Variants in OTC observed in about 807,000 individuals in gnomAD.
OTC encodes ornithine transcarbamylase, mitochondrial.
In OTC, 3 loss-of-function variants were observed where a neutral mutation model predicts 30.3. The observed-to-expected ratio is 0.10, with a 90% confidence interval of 0.05 to 0.26. The LOEUF (loss-of-function observed/expected upper bound fraction) is 0.26. Among genes scored for constraint, OTC ranks in the 10% least tolerant of loss-of-function variants. The pLI, the probability that OTC is intolerant of heterozygous loss-of-function variation, is 1.00. For missense variants in OTC, 194 were observed against 260.3 expected (o/e 0.75, Z 1.75); for synonymous variants, 111 against 99.7 (o/e 1.11, Z -0.67).
At chrX:38,336,006 A>T in the OTC span, among the ~76,000 whole-genome samples, 106 of 111,420 alleles carry the variant, frequency 9.5e-4, 1 homozygote, top group African/African-American at 3.2e-3. Context: ...ATGTCCTTGA[A>T]GGCATATCAA....
At chrX:38,343,666 C>G in the OTC span, among the ~76,000 whole-genome samples, 1 of 112,282 alleles carries the variant, frequency 8.9e-6, no homozygotes, top group Non-Finnish European at 1.9e-5. Flanking sequence ...CATATCTAAG[C>G]TCAAAAAATT....
chrX:38,347,617 T>C (rs2068196417), upstream of OTC, among the ~76,000 whole-genome samples: 1 of 112,569 alleles, frequency 8.9e-6, no homozygotes, highest in South Asian at 3.6e-4. Context: ...CGCACTGCAG[T>C]AATCGCCATC....
the OTC span, among the ~76,000 whole-genome samples, chrX:38,332,506 A>T: frequency 3.1e-5 from 2 of 64,930 alleles, no homozygotes; most frequent in East Asian, 4.0e-4. Flanking sequence ...CCTAGATTTT[A>T]TATATATATA....
chrX:38,342,011 C>CTTTTT, the OTC span, among the ~76,000 whole-genome samples: 1 of 28,591 alleles, frequency 3.5e-5, no homozygotes, highest in Non-Finnish European at 6.1e-5. Flanking sequence ...TTAAATTTCA[C>CTTTTT]TTTTTTTTTT....
upstream of OTC, among the ~76,000 whole-genome samples, chrX:38,350,130 C>T (rs4827092): frequency 0.31 from 33,976 of 110,085 alleles, 4,021 homozygotes; most frequent in East Asian, 0.6. Context: ...AGGAGAGGGT[C>T]ACGTCAAGCT....
chrX:38,400,537 AC>A (rs2068480305), intron 4 of OTC, among the ~76,000 whole-genome samples: 1 of 110,539 alleles, frequency 9.0e-6, no homozygotes, highest in Non-Finnish European at 1.9e-5. Flanking sequence ...GGCAGGTCTG[AC>A]CCCTGTGGGA....
intron 1 of OTC, among the ~76,000 whole-genome samples, chrX:38,356,826 G>A (rs186061267): frequency 2.7e-5 from 3 of 111,630 alleles, no homozygotes; most frequent in African/African-American, 9.8e-5. Context: ...ATCACATATG[G>A]GTATGTGGCA....
chrX:38,347,746 T>C (rs1235820724), upstream of OTC, among the ~76,000 whole-genome samples: 5 of 111,691 alleles, frequency 4.5e-5, no homozygotes, highest in Non-Finnish European at 9.4e-5. Flanking sequence ...CACAGCACCA[T>C]AATAACTCAT....
intron 4 of OTC, among the ~76,000 whole-genome samples, chrX:38,383,654 C>T (rs751722277): frequency 4.5e-5 from 5 of 109,913 alleles, no homozygotes; most frequent in South Asian, 3.9e-4. Context: ...AAAAATTAGC[C>T]GGGCGTGGTG....
At chrX:38,342,727 T>G in the OTC span, among the ~76,000 whole-genome samples, 2 of 111,830 alleles carry the variant, frequency 1.8e-5, no homozygotes, top group African/African-American at 6.5e-5. Context: ...ATGGTGAATA[T>G]GTAGCACCTA....
At chrX:38,338,681 AG>A in the OTC span, among the ~76,000 whole-genome samples, 1 of 112,437 alleles carries the variant, frequency 8.9e-6, no homozygotes, top group Non-Finnish European at 1.9e-5. Context: ...ATTAGGTAGA[AG>A]GCAAAAAACC....
intron 6 of OTC, among the ~76,000 whole-genome samples, chrX:38,405,595 G>A (rs1448380529): frequency 9.0e-6 from 1 of 111,351 alleles, no homozygotes; most frequent in Non-Finnish European, 1.9e-5. Context: ...GAGTTTCTGG[G>A]TGGGAGTGAA....
chrX:38,407,661 A>G (rs1355904694), intron 6 of OTC, among the ~76,000 whole-genome samples: 3 of 111,448 alleles, frequency 2.7e-5, no homozygotes, highest in Non-Finnish European at 5.7e-5. Context: ...AAAGGCTGTG[A>G]TGGCAGAAAA....
At chrX:38,394,730 C>T (rs1448467470) in intron 4 of OTC, among the ~76,000 whole-genome samples, 1 of 111,355 alleles carries the variant, frequency 9.0e-6, no homozygotes, top group Non-Finnish European at 1.9e-5. Context: ...ACTTTATCCT[C>T]AGTTTCGCAT....
intron 1 of OTC, among the ~76,000 whole-genome samples, chrX:38,360,569 G>A (rs1245899391): frequency 9.0e-6 from 1 of 111,712 alleles, no homozygotes. Flanking sequence ...ATGAGAAGGA[G>A]CCAGCTTTGA....
the OTC span, among the ~76,000 whole-genome samples, chrX:38,346,561 T>A: frequency 8.9e-6 from 1 of 112,304 alleles, no homozygotes; most frequent in African/African-American, 3.2e-5. Context: ...CAATTGTCCT[T>A]TAATGGGGGA....
At chrX:38,380,085 AAT>A (rs2068368298) in intron 3 of OTC, among the ~76,000 whole-genome samples, 1 of 112,003 alleles carries the variant, frequency 8.9e-6, no homozygotes, top group African/African-American at 3.2e-5. Context: ...ATCCCCAAAA[AAT>A]AAGGATATTG....
intron 1 of OTC, among the ~76,000 whole-genome samples, chrX:38,366,648 T>C (rs1371971596): frequency 2.7e-5 from 3 of 112,346 alleles, no homozygotes; most frequent in Non-Finnish European, 5.6e-5. Context: ...AGTAATTTTC[T>C]AGGTGTGAAA....
chrX:38,381,325 T>C lies in OTC; in HGVS notation c.299-17T>C, dbSNP rs5917587. 1 of 747,633 alleles carries C rather than the reference T, an allele frequency of 1.3e-6. No individual in the cohort carries two copies. The highest frequency in any genetic ancestry group is 1.9e-6 in the Non-Finnish European group (1 of 539,429). 61.6% of individuals were successfully genotyped at this position (747,633 alleles called of 1,213,427 possible). Reference sequence around the variant, plus strand: ...TTGTTTTTTCAAAATGATTTTTTTCTTTTTTTTTTATTGTAGGCTTTGCAC... The same window carrying C: ...TTGTTTTTTCAAAATGATTTTTTTCCTTTTTTTTTATTGTAGGCTTTGCAC... On this transcript the variant is annotated splice_polypyrimidine_tract_variant and intron_variant, in intron 3 of 9. Coordinates refer to ENST00000039007, the MANE Select transcript of OTC (RefSeq NM_000531.6).
Sources: allele counts gnomAD v4.1 joint callset (sites outside exome capture counted in the v4.1 genomes callset), GRCh38; gene constraint gnomAD v4.1.1; transcripts MANE v1.5; gene names NCBI Gene and HGNC (gene_info 2026-07-23, HGNC 2026-07-21).